The following DOCK1 variants were observed in gnomAD, a reference collection of about 807,000 sequenced individuals.
DOCK1 encodes the protein dedicator of cytokinesis 1, also known as dedicator of cytokinesis protein 1.
DOCK1 carries 138 observed loss-of-function variants against 262.7 expected under a neutral mutation model. The observed-to-expected ratio is 0.53, with a 90% CI of 0.46 to 0.61. The LOEUF is 0.61. DOCK1 is among the 20% of genes least tolerant of loss of function. The probability of loss-of-function intolerance (pLI) is 0.00; values close to 1 mark genes in which losing one functional copy is unlikely to be tolerated. For missense variants in DOCK1, 1,908 were observed against 2,370.7 expected (o/e 0.80, Z 4.05); for synonymous variants, 866 against 867.4 (o/e 1.00, Z 0.03).
chr10:127,016,733 C>CCACA (rs771716580), intron 12 of DOCK1, among the ~76,000 whole-genome samples: 5 of 56,998 alleles, frequency 8.8e-5, no homozygotes, highest in African/African-American at 4.0e-4. Context: ...CACACACACA[C>CCACA]CACACACACA....
At position 127,019,030 on chromosome 10, in the gene DOCK1, CT is replaced by C. The variant is rs1564736263; in HGVS notation, c.1327+196del. ...GTGGTAGAATATGCTCCCTGGCCCC[CT>C]GTACCCCTGGATGGATCAGCTCTCC... On this transcript the variant is annotated intron_variant, in intron 13 of 51. Transcript: ENST00000623213. 4 of 791,866 alleles carry C rather than the reference CT, an allele frequency of 5.1e-6. No homozygotes were observed. In the African/African-American group the frequency reaches 7.0e-5, roughly 14 times the overall value. The allele number at this position is 791,866 out of a possible 1,614,324, so 49.1% of individuals were successfully genotyped here.
intron 29 of DOCK1, among the ~76,000 whole-genome samples, chr10:127,261,221 ATGTGGGTGTGCGTG>A (rs2060075575): frequency 2.9e-5 from 1 of 34,302 alleles, no homozygotes; most frequent in Non-Finnish European, 5.8e-5. Flanking sequence ...ATGTGTGTGC[ATGTGGGTGTGCGTG>A]TGTGTACCTG....
rs747442126 is a variant in DOCK1 at position 127,451,483 on chromosome 10, CCTT to C, written c.*59_*61del. 1.3e-6 allele frequency: 2 copies of C among 1,548,838 alleles called. No homozygotes were observed. The highest frequency in any genetic ancestry group is 2.7e-5 in the African/African-American group (2 of 73,052). On this transcript the variant is annotated 3_prime_UTR_variant, in exon 52 of 52. Coordinates refer to ENST00000623213, the MANE Select transcript of DOCK1 (RefSeq NM_001290223.2). The stretch of plus-strand genomic sequence containing the variant: ...GCCCCTCCCCATCTCCATGCCCTCT[CCTT>C]CTGTGTCCCCTGAGTCTGCTGTTTA...
intron 27 of DOCK1, among the ~76,000 whole-genome samples, chr10:127,197,812 GTGTC>G (rs1432419950): frequency 2.0e-5 from 3 of 152,142 alleles, no homozygotes; most frequent in African/African-American, 7.2e-5. Context: ...GCCTTATAGA[GTGTC>G]TGTTTTTTAT....
chr10:127,039,739 T>G lies in DOCK1; in HGVS notation c.2010+1923T>G, dbSNP rs187184087. Among the ~76,000 whole-genome samples the G allele has an allele frequency of 3.0e-3, 464 of 152,320 alleles. 3 individuals carry two copies. Among genetic ancestry groups the G allele is most frequent in the Middle Eastern group, 6.8e-3 (2 of 294 alleles). Reference sequence around the variant, plus strand: ...TTTGCTGATAGGGATGCTGATAGATTGTGGGTTTGGTTCCATTTATTCAGG... The same window carrying G: ...TTTGCTGATAGGGATGCTGATAGATGGTGGGTTTGGTTCCATTTATTCAGG... On this transcript the variant is annotated intron_variant, in intron 19 of 51. Transcript: ENST00000623213.
At chr10:126,967,575 A>G (rs2037764576) in intron 1 of DOCK1, among the ~76,000 whole-genome samples, 1 of 151,988 alleles carries the variant, frequency 6.6e-6, no homozygotes, top group Non-Finnish European at 1.5e-5. Flanking sequence ...TCAGCGTCCT[A>G]AAGTGTAGGT....
intron 29 of DOCK1, among the ~76,000 whole-genome samples, chr10:127,332,640 CAA>C (rs1190108545): frequency 1.3e-5 from 2 of 152,284 alleles, no homozygotes; most frequent in Admixed American, 6.5e-5. Context: ...TCCCAAATCC[CAA>C]AGACACGAGG....
intron 27 of DOCK1, among the ~76,000 whole-genome samples, chr10:127,168,361 G>C (rs1237266347): frequency 2.6e-5 from 4 of 152,188 alleles, no homozygotes; most frequent in Non-Finnish European, 5.9e-5. Flanking sequence ...ATTCAAATAG[G>C]GAGTGCTAAG....
At chr10:126,966,982 A>G (rs2037724494) in intron 1 of DOCK1, among the ~76,000 whole-genome samples, 1 of 152,184 alleles carries the variant, frequency 6.6e-6, no homozygotes, top group South Asian at 2.1e-4. Flanking sequence ...TTATAAAATG[A>G]AGATGGACTC....
At chr10:127,245,365 G>A (rs1431232177) in intron 27 of DOCK1, among the ~76,000 whole-genome samples, 1 of 152,210 alleles carries the variant, frequency 6.6e-6, no homozygotes, top group Non-Finnish European at 1.5e-5. Flanking sequence ...GGTAAAGAGG[G>A]CACGCACAGT....
At chr10:127,226,129 G>A (rs1292444180) in intron 27 of DOCK1, among the ~76,000 whole-genome samples, 1 of 150,280 alleles carries the variant, frequency 6.7e-6, no homozygotes, top group Non-Finnish European at 1.5e-5. Flanking sequence ...TTCTCCTTAA[G>A]TGATCACCCA....
intron 1 of DOCK1, among the ~76,000 whole-genome samples, chr10:126,951,536 TTGG>T (rs1208548573): frequency 6.6e-6 from 1 of 151,692 alleles, no homozygotes; most frequent in Non-Finnish European, 1.5e-5. Flanking sequence ...ATTATTGCTG[TTGG>T]TAGTATTGTT....
At chr10:127,003,200 A>G (rs1443764108) in intron 10 of DOCK1, among the ~76,000 whole-genome samples, 2 of 151,022 alleles carry the variant, frequency 1.3e-5, no homozygotes, top group South Asian at 2.1e-4. Context: ...GTGAACCTGC[A>G]TGAACCTGCG....
At chr10:127,159,874 C>T (rs951759365) in intron 27 of DOCK1, among the ~76,000 whole-genome samples, 6 of 152,084 alleles carry the variant, frequency 3.9e-5, no homozygotes, top group South Asian at 2.1e-4. Context: ...GCAGGGACTC[C>T]GAGGAGCAGG....
At chr10:127,389,611 A>G (rs577377640) in intron 38 of DOCK1, among the ~76,000 whole-genome samples, 29 of 152,176 alleles carry the variant, frequency 1.9e-4, no homozygotes, top group Middle Eastern at 6.8e-3. Flanking sequence ...GTAATCTCCA[A>G]TGTTGGAGGT....
rs769615322 is a variant in DOCK1, at chr10:127,373,872, TG to T, written c.3518+7del. ...AAAGTGTTATTTGATAAAATGTAAG[TG>T]TTGATTAGCAGTGGGATTTATGTCT... On this transcript the variant is annotated splice_region_variant and intron_variant, in intron 34 of 51. Transcript: ENST00000623213. 1.3e-6 allele frequency: 2 copies of T among 1,599,840 alleles called. No individual in the cohort carries two copies. Among genetic ancestry groups the T allele is most frequent in the Non-Finnish European group, 1.7e-6 (2 of 1,172,456 alleles).
In DOCK1 at chr10:126,912,356, G is replaced by A. The variant is rs558905872; in HGVS notation, c.46+6793G>A. On this transcript the variant is annotated intron_variant, in intron 1 of 51. Transcript: ENST00000623213. ...GAGGCAGGAGAATCACTGGAACCTC[G>A]GAGGCGGAGGTTGCAGTGAGCCAAG... is the stretch of plus-strand genomic sequence containing the variant. 8.4e-4 allele frequency among the ~76,000 whole-genome samples: 128 copies of A among 151,684 alleles called. 1 individual carries two copies. In the Middle Eastern group the frequency reaches 0.014, roughly 16 times the overall value.
At chr10:127,394,114 G>A (rs1306405812) in intron 38 of DOCK1, among the ~76,000 whole-genome samples, 1 of 152,040 alleles carries the variant, frequency 6.6e-6, no homozygotes, top group Non-Finnish European at 1.5e-5. Context: ...GGAGGATGAG[G>A]GTCAAAAATA....
chr10:127,305,385 G>A (rs867673973), intron 29 of DOCK1, among the ~76,000 whole-genome samples: 14 of 152,144 alleles, frequency 9.2e-5, no homozygotes, highest in African/African-American at 2.7e-4. Context: ...AGTGTATCCC[G>A]AGGCATTGCA....
Sources: gnomAD v4.1 joint callset for allele counts (sites outside exome capture counted in the v4.1 genomes callset) on GRCh38, gnomAD v4.1.1 for gene constraint, MANE v1.5 for transcripts, NCBI Gene and HGNC (gene_info 2026-07-23, HGNC 2026-07-21) for gene names.